The following ODF2 variants were observed in gnomAD, a reference collection of about 807,000 sequenced individuals.
ODF2 encodes the protein outer dense fiber of sperm tails 2, also known as outer dense fiber protein 2.
Under a neutral mutation model 110.2 loss-of-function variants are expected in ODF2, and 47 were observed. The ratio of observed to expected loss-of-function variants is 0.43; its 90% CI spans 0.34 to 0.54. ODF2 has a LOEUF of 0.54. ODF2 is among the 20% of genes least tolerant of loss of function. The pLI is 0.03. For missense variants in ODF2, 812 were observed against 1,054.5 expected (o/e 0.77, Z 3.19); for synonymous variants, 352 against 397.7 (o/e 0.89, Z 1.37).
At chr9:128,455,792 C>G (rs1469795916), upstream of ODF2, among the ~76,000 whole-genome samples, 1 of 152,030 alleles carries the variant, frequency 6.6e-6, no homozygotes, top group Non-Finnish European at 1.5e-5. Context: ...TTCCATGGGT[C>G]CTCTGTGAGC....
In ODF2 at chr9:128,485,228, G is replaced by A. The variant is rs924568177; in HGVS notation, c.1291-137G>A. 1.5e-5 allele frequency: 9 copies of A among 619,574 alleles called. No homozygotes were observed. The highest frequency in any genetic ancestry group is 1.2e-4 in the Admixed American group (4 of 34,352). 38.4% of individuals were successfully genotyped at this position (619,574 alleles called of 1,614,324 possible). A position where few individuals can be genotyped will look rare whatever the true frequency, so the allele number is the denominator to read the frequency against. ...CTGGGCTCCCACTGTTGCTTCCAGC[G>A]CCCTCTAGAAAGGTGAATTCCAGAA... On this transcript the variant is annotated intron_variant, in intron 12 of 20. Coordinates refer to ENST00000604420, the Ensembl canonical transcript of ODF2. The surrounding 1 kb of genome is among the most constrained non-coding windows in gnomAD (Gnocchi z 5.0).
chr9:128,479,467 G>T (rs1211285478), intron 8 of ODF2, among the ~76,000 whole-genome samples: 1 of 152,204 alleles, frequency 6.6e-6, no homozygotes, highest in African/African-American at 2.4e-5. Context: ...CAGATGACTG[G>T]CAACAGAGGC....
Position 128,500,177 on chromosome 9 carries a change from C to G in ODF2, c.2412C>G (p.Tyr804Ter). The change falls in exon 21 of 21, where the codon TAC (tyrosine) becomes TAG (stop). Residue 804 changes from tyrosine to a stop codon, truncating the protein, a stop_gained. Coordinates refer to ENST00000604420, the Ensembl canonical transcript of ODF2. LOFTEE classifies it high-confidence loss of function. ...ACGTCCAGTTCCTCAAATCATCATACGCCAACGTGTTTGGGGATGGTCCCT... is the reference window on the plus strand; with the variant it reads ...ACGTCCAGTTCCTCAAATCATCATAGGCCAACGTGTTTGGGGATGGTCCCT... The G allele has an allele frequency of 1.2e-6, 2 of 1,614,228 alleles. No individual in the cohort carries two copies. Among genetic ancestry groups the G allele is most frequent in the Non-Finnish European group, 1.7e-6 (2 of 1,180,048 alleles).
At chr9:128,486,653 G>A (rs1843412257) in intron 13 of ODF2, among the ~76,000 whole-genome samples, 2 of 152,244 alleles carry the variant, frequency 1.3e-5, no homozygotes, top group Non-Finnish European at 2.9e-5. Context: ...GCCTTGCTGA[G>A]TGACTGAGGC....
At chr9:128,486,744 C>G (rs1843433474) in intron 13 of ODF2, among the ~76,000 whole-genome samples, 1 of 152,126 alleles carries the variant, frequency 6.6e-6, no homozygotes, top group East Asian at 1.9e-4. Flanking sequence ...TGCCTTTTTC[C>G]CACACCACAC....
chr9:128,481,057 A>G (rs1564499330), intron 8 of ODF2, among the ~76,000 whole-genome samples: 1 of 152,084 alleles, frequency 6.6e-6, no homozygotes, highest in African/African-American at 2.4e-5. Flanking sequence ...TGGGAAGGAT[A>G]CTCCTCAAAC....
At chr9:128,456,582 T>C (rs1834848355) in intron 1 of ODF2, 1 of 1,523,458 alleles carries the variant, frequency 6.6e-7, no homozygotes, top group East Asian at 2.6e-5. Context: ...TGCTGGTGGG[T>C]GGCCGTCCCT....
chr9:128,457,405 C>CA (rs1334243022), exon 2 of ODF2: 13 of 1,613,256 alleles, frequency 8.1e-6, no homozygotes, highest in Non-Finnish European at 1.1e-5. Context: ...GATGCCTAGC[C>CA]ATGTCTGCCT....
intron 18 of ODF2, 113 bp downstream of exon 18, chr9:128,496,254 G>A (rs780463638): frequency 6.5e-7 from 1 of 1,547,722 alleles, no homozygotes. Context: ...GGCCCTGGAA[G>A]GTACTAGGCA....
intron 3 of ODF2, chr9:128,460,193 C>T (rs1234887866): frequency 8.4e-6 from 11 of 1,304,262 alleles, no homozygotes; most frequent in East Asian, 5.3e-5. Context: ...GCCTGCTTTC[C>T]GCTGTGCTTC....
chr9:128,455,393 T>C, upstream of ODF2: 1 of 463,322 alleles, frequency 2.2e-6, no homozygotes, highest in Non-Finnish European at 3.5e-6. Flanking sequence ...CTACTAAAAA[T>C]ACAAAAAAAA....
intron 8 of ODF2, 40 bp downstream of exon 8, chr9:128,473,781 G>T: frequency 1.3e-6 from 2 of 1,570,110 alleles, no homozygotes; most frequent in Non-Finnish European, 1.7e-6. Flanking sequence ...AGCTCTGCAT[G>T]CCCATCCTCT....
chr9:128,486,511 A>G (rs1351340805), intron 13 of ODF2, among the ~76,000 whole-genome samples: 1 of 152,206 alleles, frequency 6.6e-6, no homozygotes, highest in Non-Finnish European at 1.5e-5. Flanking sequence ...GGTGGACTGT[A>G]ATTGGTCAAT....
intron 8 of ODF2, among the ~76,000 whole-genome samples, chr9:128,476,079 T>A (rs1355704824): frequency 1.2e-5 from 1 of 82,840 alleles, no homozygotes; most frequent in Non-Finnish European, 3.9e-5. Context: ...CTCAGTAGTA[T>A]TCCATTGTGT....
intron 16 of ODF2, among the ~76,000 whole-genome samples, 153 bp downstream of exon 16, chr9:128,492,958 C>G (rs1234388866): frequency 1.3e-5 from 2 of 151,992 alleles, no homozygotes; most frequent in African/African-American, 2.4e-5. Context: ...CCACTCTACC[C>G]TGTGCCTCTC....
chr9:128,459,727 A>G (rs764309141), intron 3 of ODF2, 70 bp downstream of exon 2: 10 of 1,202,688 alleles, frequency 8.3e-6, no homozygotes, highest in South Asian at 1.3e-5. Context: ...CACCGTTTCT[A>G]GGAGGTGCCT....
At chr9:128,473,853 TAGAG>T (rs528956188) in intron 8 of ODF2, 112 bp downstream of exon 8, 109 of 925,892 alleles carry the variant, frequency 1.2e-4, no homozygotes, top group Non-Finnish European at 1.7e-4. Context: ...GAGAGGTCCT[TAGAG>T]AGATGTAATG....
At chr9:128,458,159 C>T (rs1248150867) in intron 2 of ODF2, among the ~76,000 whole-genome samples, 1 of 152,064 alleles carries the variant, frequency 6.6e-6, no homozygotes, top group Non-Finnish European at 1.5e-5. Context: ...GATCTCCCCC[C>T]ACTTTGGGGG....
In ODF2 at chr9:128,485,273, G is replaced by A; in HGVS notation, c.1291-92G>A. The A allele has an allele frequency of 4.3e-6, 3 of 698,506 alleles. No individual in the cohort carries two copies. The South Asian group carries it at 5.1e-5, about 12-fold the overall frequency. The allele number at this position is 698,506 out of a possible 1,614,324, so 43.3% of individuals were successfully genotyped here. A position where few individuals can be genotyped will look rare whatever the true frequency, so the allele number is the denominator to read the frequency against. ...CCAGAATGAGGTTTAGGTTACCAGG[G>A]TGAGAAACCACCTAGGATGAGCCCG... On this transcript the variant is annotated intron_variant, in intron 12 of 20. Transcript: ENST00000604420. This position sits in a 1 kb window ranked among gnomAD's most constrained non-coding sequence, Gnocchi z 5.0.
Sources: allele counts gnomAD v4.1 joint callset (sites outside exome capture counted in the v4.1 genomes callset), GRCh38; gene constraint gnomAD v4.1.1; non-coding constraint Gnocchi (gnomAD v3.1); transcripts MANE v1.5; gene names NCBI Gene and HGNC (gene_info 2026-07-23, HGNC 2026-07-21).